TBC1D15: variants seen among roughly 807,000 people sequenced by gnomAD.
The protein encoded by TBC1D15 is GAP for RAB7.
In TBC1D15, 39 loss-of-function variants were observed where a neutral mutation model predicts 95.4. The observed-to-expected ratio is 0.41, with a 90% confidence interval of 0.32 to 0.53. The LOEUF is 0.53. Among genes scored for constraint, TBC1D15 ranks in the 20% least tolerant of loss-of-function variants. The pLI is 0.29. For missense variants in TBC1D15, 733 were observed against 794.3 expected (o/e 0.92, Z 0.93); for synonymous variants, 258 against 261.3 (o/e 0.99, Z 0.12).
chr12:71,906,256 A>C (rs1442236572), intron 10 of TBC1D15, among the ~76,000 whole-genome samples: 1 of 152,216 alleles, frequency 6.6e-6, no homozygotes, highest in Non-Finnish European at 1.5e-5. Flanking sequence ...CTTTTAAACA[A>C]TTGATTCTAC....
intron 1 of TBC1D15, among the ~76,000 whole-genome samples, chr12:71,857,099 TA>T (rs71685831): frequency 0.086 from 13,090 of 151,952 alleles, 641 homozygotes; most frequent in South Asian, 0.15. Context: ...TTAATTTTTT[TA>T]AATTTATTAT....
At chr12:71,880,696 A>C in intron 4 of TBC1D15, 89 bp downstream of exon 4, 2 of 1,358,350 alleles carry the variant, frequency 1.5e-6, no homozygotes, top group Non-Finnish European at 2.0e-6. Flanking sequence ...AATGCTCCTC[A>C]GTGAGAAGGA....
At chr12:71,912,851 A>G (rs1385791276) in intron 11 of TBC1D15, among the ~76,000 whole-genome samples, 1 of 152,158 alleles carries the variant, frequency 6.6e-6, no homozygotes, top group Admixed American at 6.5e-5. Flanking sequence ...ATAACGTTTA[A>G]GTAAAAAGGC....
chr12:71,907,601 A>G (rs572220703), intron 11 of TBC1D15: 2 of 152,818 alleles, frequency 1.3e-5, no homozygotes, highest in Admixed American at 1.3e-4. Flanking sequence ...ATAAGCACAT[A>G]GGATATGAAT....
chr12:71,858,742 A>G (rs1273938093), intron 1 of TBC1D15, among the ~76,000 whole-genome samples: 2 of 151,482 alleles, frequency 1.3e-5, no homozygotes, highest in Non-Finnish European at 1.5e-5. Context: ...ATTTTTTTAG[A>G]GATAGGGTTT....
chr12:71,872,664 G>A (rs566690740), intron 2 of TBC1D15, among the ~76,000 whole-genome samples: 6 of 152,128 alleles, frequency 3.9e-5, no homozygotes, highest in Non-Finnish European at 8.8e-5. Flanking sequence ...AAACCATCAT[G>A]AGTCAGGGAC....
intron 5 of TBC1D15, among the ~76,000 whole-genome samples, chr12:71,886,190 CTTCCTTCCTTCCTTCCT>C (rs1205624953): frequency 6.6e-6 from 1 of 151,608 alleles, no homozygotes; most frequent in East Asian, 1.9e-4. Flanking sequence ...GATTGCTAAC[CTTCCTTCCTTCCTTCCT>C]TTCCTTCCTT....
At position 71,848,942 on chromosome 12, in the gene TBC1D15, C is replaced by G. The variant is rs536311076; in HGVS notation, c.30+9131C>G. Among the ~76,000 whole-genome samples the G allele has an allele frequency of 2.0e-5, 3 of 152,134 alleles. No individual in the cohort carries two copies. The South Asian group carries it at 6.2e-4, about 32-fold the overall frequency. ...ATACAACTGTCTGTTCTTCTGTTGC[C>G]TCACATCATGTCTATAAAAACAGCA... On this transcript the variant is annotated intron_variant, in intron 1 of 16. Transcript: ENST00000485960.
At chr12:71,880,692 C>T in intron 4 of TBC1D15, 85 bp downstream of exon 4, 5 of 1,388,580 alleles carry the variant, frequency 3.6e-6, no homozygotes, top group Middle Eastern at 2.1e-4. Flanking sequence ...CGTGAATGCT[C>T]CTCAGTGAGA....
At chr12:71,856,958 A>G (rs1354342102) in intron 1 of TBC1D15, among the ~76,000 whole-genome samples, 2 of 152,228 alleles carry the variant, frequency 1.3e-5, no homozygotes, top group Non-Finnish European at 2.9e-5. Context: ...GATGGGAATG[A>G]TAATATCTAT....
At chr12:71,857,092 A>T (rs1164909625) in intron 1 of TBC1D15, among the ~76,000 whole-genome samples, 1 of 149,638 alleles carries the variant, frequency 6.7e-6, no homozygotes, top group Non-Finnish European at 1.5e-5. Flanking sequence ...TTTAAATTTA[A>T]TTTTTTTAAA....
intron 1 of TBC1D15, among the ~76,000 whole-genome samples, chr12:71,851,445 A>G (rs1311158525): frequency 6.6e-6 from 1 of 152,188 alleles, no homozygotes; most frequent in Non-Finnish European, 1.5e-5. Context: ...AAGTAGAATC[A>G]TACTTTCCCA....
chr12:71,891,432 G>A (rs1897189027), intron 5 of TBC1D15, among the ~76,000 whole-genome samples: 1 of 152,082 alleles, frequency 6.6e-6, no homozygotes, highest in Non-Finnish European at 1.5e-5. Context: ...AATAATGTTA[G>A]CATGAGAGAT....
In TBC1D15 at chr12:71,893,242, C is replaced by T. The variant is rs372300088; in HGVS notation, c.575C>T (p.Thr192Ile). Residue 192 changes from threonine (T) to isoleucine (I), a missense_variant, in exon 6 of 17, where the codon ACA becomes ATA. By Grantham distance (89) the Thr-to-Ile change is moderately conservative. Coordinates refer to ENST00000485960, the MANE Select transcript of TBC1D15 (RefSeq NM_001146213.3). ...VLCESPQDKR[T>I]LLVNCQNKSL... ...TATAGATCTCCACAGGATAAAAGAA[C>T]ACTTCTTGTGAATTGTCAGAATAAG... 1.9e-6 allele frequency: 3 copies of T among 1,601,724 alleles called. No homozygotes were observed. Among genetic ancestry groups the T allele is most frequent in the Admixed American group, 1.7e-5 (1 of 58,938 alleles).
At chr12:71,854,189 T>C (rs1362631470) in intron 1 of TBC1D15, among the ~76,000 whole-genome samples, 1 of 152,216 alleles carries the variant, frequency 6.6e-6, no homozygotes, top group Non-Finnish European at 1.5e-5. Flanking sequence ...TTTCTCTCAA[T>C]AGTCACTATC....
Position 71,899,605 on chromosome 12 carries a change from T to C in TBC1D15, c.1183+1664T>C, listed in dbSNP as rs1352724040. 4.6e-5 allele frequency among the ~76,000 whole-genome samples: 7 copies of C among 152,350 alleles called. No individual in the cohort carries two copies. The East Asian group carries it at 1.3e-3, about 29-fold the overall frequency. Reference sequence around the variant, plus strand: ...TACGCAGTAAGCTTTAGGTCTTGCATACATGCCAATAAGTTGGATTTTACT... The same window carrying C: ...TACGCAGTAAGCTTTAGGTCTTGCACACATGCCAATAAGTTGGATTTTACT... On this transcript the variant is annotated intron_variant, in intron 10 of 16. Transcript: ENST00000485960.
intron 1 of TBC1D15, among the ~76,000 whole-genome samples, chr12:71,860,816 A>G (rs1342061655): frequency 1.3e-5 from 2 of 152,192 alleles, no homozygotes; most frequent in African/African-American, 4.8e-5. Context: ...TCTTAGAGAA[A>G]AACTTTGAAC....
chr12:71,860,780 A>G (rs865849229), intron 1 of TBC1D15, among the ~76,000 whole-genome samples: 1 of 152,280 alleles, frequency 6.6e-6, no homozygotes, highest in African/African-American at 2.4e-5. Context: ...AAGTGGTGAA[A>G]GTGGCCATCC....
intron 1 of TBC1D15, among the ~76,000 whole-genome samples, chr12:71,865,829 T>G (rs1891379037): frequency 6.6e-6 from 1 of 151,612 alleles, no homozygotes; most frequent in African/African-American, 2.4e-5. Flanking sequence ...TCCCAGGGAG[T>G]GATATGCCCT....
Sources: gnomAD v4.1 joint callset for allele counts (sites outside exome capture counted in the v4.1 genomes callset) on GRCh38, gnomAD v4.1.1 for gene constraint, MANE v1.5 for transcripts, NCBI Gene and HGNC (gene_info 2026-07-23, HGNC 2026-07-21) for gene names.